Variants in GNG7 observed in about 807,000 individuals in gnomAD.
GNG7 encodes the protein guanine nucleotide-binding protein G(I)/G(S)/G(O) subunit gamma-7.
In GNG7, 1 loss-of-function variant was observed where a neutral mutation model predicts 4.0. That is an observed-to-expected ratio of 0.25 (90% confidence interval 0.09 to 1.18). The LOEUF (loss-of-function observed/expected upper bound fraction) is 1.18. GNG7 is among the 50% of genes most tolerant of loss of function. The probability of loss-of-function intolerance (pLI) is 0.50; values close to 1 mark genes in which losing one functional copy is unlikely to be tolerated. For synonymous variants in GNG7, 34 were observed against 36.9 expected (o/e 0.92, Z 0.29); for missense variants, 86 against 91.9 (o/e 0.94, Z 0.26).
rs1353168617 is a variant in GNG7 at position 2,546,113 on chromosome 19, A to G, written c.-38+9036T>C. Among the ~76,000 whole-genome samples, 1 of 152,208 alleles carries G rather than the reference A, an allele frequency of 6.6e-6. No homozygotes were observed. The highest frequency in any genetic ancestry group is 1.9e-4 in the East Asian group (1 of 5,196). ...GGATGCAGGCCCCCCACGGCCTGCC[A>G]TGTTCTCACCAGGACGCCAAAGAGG... On this transcript the variant is annotated intron_variant, in intron 3 of 4. Coordinates refer to ENST00000382159, the MANE Select transcript of GNG7 (RefSeq NM_052847.3). This position sits in a 1 kb window ranked among gnomAD's most constrained non-coding sequence, Gnocchi z 6.3.
intron 2 of GNG7, among the ~76,000 whole-genome samples, chr19:2,597,910 A>G (rs1175964386): frequency 2.0e-5 from 3 of 148,392 alleles, no homozygotes; most frequent in South Asian, 2.1e-4. Context: ...AAAAAAAAAA[A>G]AAAGAAATTA....
At chr19:2,699,832 G>A (rs1013191033) in intron 1 of GNG7, among the ~76,000 whole-genome samples, 1 of 152,162 alleles carries the variant, frequency 6.6e-6, no homozygotes, top group Non-Finnish European at 1.5e-5. Context: ...AGACCCAGAC[G>A]CACCCCATGA....
At chr19:2,592,245 T>C (rs780258343) in intron 2 of GNG7, among the ~76,000 whole-genome samples, 2 of 152,078 alleles carry the variant, frequency 1.3e-5, no homozygotes, top group Non-Finnish European at 2.9e-5. Flanking sequence ...CTAAAAAGAA[T>C]GAAGCTCACT....
intron 3 of GNG7, among the ~76,000 whole-genome samples, chr19:2,548,353 C>T (rs190728516): frequency 0.01 from 1,533 of 151,000 alleles, 30 homozygotes; most frequent in African/African-American, 0.035. Context: ...TGGTGGCGGG[C>T]GCCTGTAATC....
intron 1 of GNG7, among the ~76,000 whole-genome samples, chr19:2,681,160 A>T (rs1599459294): frequency 6.6e-6 from 1 of 150,552 alleles, no homozygotes; most frequent in African/African-American, 2.4e-5. Context: ...TTTTATTTTT[A>T]TTTTTTTTGT....
In GNG7 at chr19:2,542,575, C is replaced by T. The variant is rs79543130; in HGVS notation, c.-38+12574G>A. 4.6e-3 allele frequency among the ~76,000 whole-genome samples: 696 copies of T among 152,288 alleles called. 3 individuals carry two copies. The highest frequency in any genetic ancestry group is 6.0e-3 in the Non-Finnish European group (406 of 68,018). On this transcript the variant is annotated intron_variant, in intron 3 of 4. Transcript: ENST00000382159. ...TTCGCGTCAGACAGCAGGCGGCTCA[C>T]GTTTCAGTTTCAGCCTGGGAGACCC...
chr19:2,605,047 C>A (rs1981335622), intron 2 of GNG7, among the ~76,000 whole-genome samples: 1 of 152,294 alleles, frequency 6.6e-6, no homozygotes, highest in South Asian at 2.1e-4. Flanking sequence ...GTGGGCAAGG[C>A]CGTGCTCCCT....
chr19:2,589,967 G>T (rs11880600), intron 2 of GNG7, among the ~76,000 whole-genome samples: 3 of 151,696 alleles, frequency 2.0e-5, no homozygotes, highest in Non-Finnish European at 4.4e-5. Flanking sequence ...ATGCACTGCC[G>T]TACTCAGCTA....
chr19:2,698,674 C>T (rs991095941), intron 1 of GNG7, among the ~76,000 whole-genome samples: 1 of 152,150 alleles, frequency 6.6e-6, no homozygotes, highest in Non-Finnish European at 1.5e-5. Context: ...TTCAAAAATA[C>T]AAATGACTCT....
intron 1 of GNG7, among the ~76,000 whole-genome samples, chr19:2,698,577 A>G (rs1007455399): frequency 2.0e-5 from 3 of 152,126 alleles, no homozygotes; most frequent in Non-Finnish European, 2.9e-5. Flanking sequence ...AAAGAAAAAA[A>G]AAAGAAAGAA....
At chr19:2,552,852 C>CG (rs896936727) in intron 3 of GNG7, among the ~76,000 whole-genome samples, 1 of 62,974 alleles carries the variant, frequency 1.6e-5, no homozygotes, top group Non-Finnish European at 3.8e-5. Context: ...CCCGGCTCCA[C>CG]CCCCCCCACC....
intron 2 of GNG7, among the ~76,000 whole-genome samples, chr19:2,573,171 G>GCCACCACAC (rs1207589156): frequency 6.6e-6 from 1 of 151,276 alleles, no homozygotes; most frequent in African/African-American, 2.4e-5. Context: ...GATTACAGGC[G>GCCACCACAC]CCACCACACC....
At chr19:2,652,473 G>A (rs1378871991) in intron 1 of GNG7, among the ~76,000 whole-genome samples, 1 of 152,028 alleles carries the variant, frequency 6.6e-6, no homozygotes, top group Admixed American at 6.6e-5. Flanking sequence ...TATAAAATTA[G>A]CCGGGCGTGG....
intron 1 of GNG7, among the ~76,000 whole-genome samples, chr19:2,664,500 A>C (rs1208962330): frequency 6.6e-6 from 1 of 152,076 alleles, no homozygotes; most frequent in East Asian, 1.9e-4. Context: ...ACCCTGGGGC[A>C]CACAGAACAA....
intron 3 of GNG7, among the ~76,000 whole-genome samples, chr19:2,547,576 C>A (rs1979170467): frequency 6.6e-6 from 1 of 152,178 alleles, no homozygotes; most frequent in Admixed American, 6.5e-5. Context: ...TCAATCCCAC[C>A]TGCAGAGTCC....
chr19:2,689,002 C>G (rs976067993), intron 1 of GNG7, among the ~76,000 whole-genome samples: 60 of 151,706 alleles, frequency 4.0e-4, no homozygotes, highest in African/African-American at 1.3e-3. Context: ...GAGTTGGAGG[C>G]TACAGTGAGC....
At chr19:2,690,605 T>C (rs575675461) in intron 1 of GNG7, among the ~76,000 whole-genome samples, 1 of 152,040 alleles carries the variant, frequency 6.6e-6, no homozygotes, top group South Asian at 2.1e-4. Flanking sequence ...TTTTTTTTTT[T>C]CTTCTTGAGA....
At chr19:2,659,038 C>T (rs900995010) in intron 1 of GNG7, among the ~76,000 whole-genome samples, 10 of 151,152 alleles carry the variant, frequency 6.6e-5, no homozygotes, top group African/African-American at 2.2e-4. Flanking sequence ...GGCACAATCT[C>T]GGCTCACTGC....
intron 2 of GNG7, among the ~76,000 whole-genome samples, chr19:2,568,508 T>C (rs1980023500): frequency 6.7e-6 from 1 of 148,260 alleles, no homozygotes; most frequent in African/African-American, 2.4e-5. Flanking sequence ...ACAGGGTCTC[T>C]GTGTGTGCAC....
Sources: allele counts gnomAD v4.1 joint callset (sites outside exome capture counted in the v4.1 genomes callset), GRCh38; gene constraint gnomAD v4.1.1; non-coding constraint Gnocchi (gnomAD v3.1); transcripts MANE v1.5; gene names NCBI Gene and HGNC (gene_info 2026-07-23, HGNC 2026-07-21).